NUFIP2: variants seen among roughly 807,000 people sequenced by gnomAD.
The protein encoded by NUFIP2 is nuclear FMR1 interacting protein 2, also known as FMR1-interacting protein NUFIP2.
Under a neutral mutation model 56.9 loss-of-function variants are expected in NUFIP2, and 6 were observed. The observed-to-expected ratio is 0.11, with a 90% CI of 0.06 to 0.21. The LOEUF (loss-of-function observed/expected upper bound fraction) is 0.21. Ranked by LOEUF, NUFIP2 falls within the 10% of genes least tolerant of loss-of-function variation. The probability of loss-of-function intolerance (pLI) is 1.00; values close to 1 mark genes in which losing one functional copy is unlikely to be tolerated. For missense variants in NUFIP2, 828 were observed against 826.8 expected (o/e 1.00, Z -0.02); for synonymous variants, 321 against 298.2 (o/e 1.08, Z -0.79).
chr17:29,271,871 G>T (rs186419256), intron 2 of NUFIP2, among the ~76,000 whole-genome samples: 34 of 151,804 alleles, frequency 2.2e-4, no homozygotes, highest in Middle Eastern at 3.4e-3. Context: ...AGGAGTTCAA[G>T]ACCAGCCTGA....
At position 29,286,659 on chromosome 17, in the gene NUFIP2, G is replaced by A. The variant is rs12452857; in HGVS notation, c.1335C>T (p.Pro445=). The change falls in exon 2 of 4, where the codon CCC becomes CCT. Residue 445 remains proline (P), a synonymous_variant. Coordinates refer to ENST00000225388, the MANE Select transcript of NUFIP2 (RefSeq NM_020772.3). ...LLTTAANTLT[P]ISSGTDSVLQ... ...GAACTGAATCTGTCCCAGAAGAGAT[G>A]GGTGTTAGAGTATTAGCAGCAGTAG... The A allele has an allele frequency of 0.28, 447,192 of 1,613,868 alleles. 66,029 individuals are homozygous for A. The highest frequency in any genetic ancestry group is 0.3 in the Non-Finnish European group (352,866 of 1,179,882).
At chr17:29,287,824 G>A in intron 1 of NUFIP2, 108 bp from the exon 2 acceptor site, 1 of 1,055,222 alleles carries the variant, frequency 9.5e-7, no homozygotes. Flanking sequence ...TATGCTATGA[G>A]CTGTAGCTTT....
At chr17:29,282,058 AG>A (rs1227447279) in intron 2 of NUFIP2, among the ~76,000 whole-genome samples, 1 of 151,226 alleles carries the variant, frequency 6.6e-6, no homozygotes, top group Non-Finnish European at 1.5e-5. Context: ...CACCGCACCC[AG>A]CACAAATCCC....
chr17:29,289,811 G>T (rs2069199678), intron 1 of NUFIP2, among the ~76,000 whole-genome samples: 1 of 151,970 alleles, frequency 6.6e-6, no homozygotes, highest in African/African-American at 2.4e-5. Context: ...ACAAATAAAG[G>T]CATTTTCTTC....
At chr17:29,285,639 C>T (rs897200018) in intron 2 of NUFIP2, among the ~76,000 whole-genome samples, 4 of 151,688 alleles carry the variant, frequency 2.6e-5, no homozygotes, top group African/African-American at 9.7e-5. Flanking sequence ...AAAAAAGCCA[C>T]GGAAGGAGAA....
chr17:29,266,733 G>T (rs2069039379), intron 3 of NUFIP2, among the ~76,000 whole-genome samples: 1 of 151,462 alleles, frequency 6.6e-6, no homozygotes, highest in Non-Finnish European at 1.5e-5. Flanking sequence ...AACATTTATG[G>T]CTTGTCTTAC....
intron 2 of NUFIP2, among the ~76,000 whole-genome samples, chr17:29,277,211 G>A (rs911672861): frequency 1.3e-5 from 2 of 151,908 alleles, no homozygotes; most frequent in African/African-American, 2.4e-5. Context: ...TTTTAGTAGA[G>A]ACCGGGTTTC....
At chr17:29,264,825 C>T (rs2069024969) in intron 3 of NUFIP2, among the ~76,000 whole-genome samples, 1 of 152,118 alleles carries the variant, frequency 6.6e-6, no homozygotes, top group Admixed American at 6.6e-5. Flanking sequence ...CAGTGAGGGC[C>T]TCAACTCCTG....
At chr17:29,281,642 T>C (rs899498592) in intron 2 of NUFIP2, among the ~76,000 whole-genome samples, 13 of 146,682 alleles carry the variant, frequency 8.9e-5, no homozygotes, top group African/African-American at 3.3e-4. Flanking sequence ...TGAGCTACGA[T>C]AGTGCCACTG....
intron 2 of NUFIP2, among the ~76,000 whole-genome samples, chr17:29,279,531 T>TAA (rs1342874637): frequency 6.6e-6 from 1 of 152,200 alleles, no homozygotes; most frequent in Non-Finnish European, 1.5e-5. Flanking sequence ...AATTGCTTAA[T>TAA]ACCAACTGTT....
Position 29,293,808 on chromosome 17 carries a change from G to A in NUFIP2, c.252C>T (p.His84=), listed in dbSNP as rs745890941. The A allele has an allele frequency of 1.3e-6, 2 of 1,589,524 alleles. No individual in the cohort carries two copies. Among genetic ancestry groups the A allele is most frequent in the East Asian group, 4.5e-5 (2 of 44,198 alleles). The change falls in exon 1 of 4, where the codon CAC becomes CAT. Residue 84 remains histidine, a synonymous_variant. Transcript: ENST00000225388. ...KHEQKHTLQQ[H]QETPKKKTGY... Reference sequence around the variant, plus strand: ...CTGTTTTCTTCTTCGGCGTTTCCTGGTGCTGCTGGAGGGTGTGTTTCTGCT... The same window carrying A: ...CTGTTTTCTTCTTCGGCGTTTCCTGATGCTGCTGGAGGGTGTGTTTCTGCT...
Position 29,287,240 on chromosome 17 carries a change from G to C in NUFIP2, c.754C>G (p.Pro252Ala), listed in dbSNP as rs750933789. The change falls in exon 2 of 4, where the codon CCA becomes GCA. Residue 252 changes from proline (P) to alanine (A), a missense_variant. Coordinates refer to ENST00000225388, the MANE Select transcript of NUFIP2 (RefSeq NM_020772.3). ...DKIMQQETSV[P>A]TLKQGLETFK... ...GTTTCAAGTCCCTGTTTTAAGGTTG[G>C]GACACTGGTCTCTTGTTGCATTATT... The C allele has an allele frequency of 1.9e-6, 3 of 1,614,046 alleles. No individual in the cohort carries two copies. The highest frequency in any genetic ancestry group is 4.5e-5 in the East Asian group (2 of 44,874).
intron 3 of NUFIP2, among the ~76,000 whole-genome samples, chr17:29,266,058 T>A (rs2069034287): frequency 6.6e-6 from 1 of 152,078 alleles, no homozygotes; most frequent in Non-Finnish European, 1.5e-5. Flanking sequence ...GCAACCTCCA[T>A]CTCTTGTGTT....
intron 3 of NUFIP2, 37 bp from the exon 4 acceptor site, chr17:29,264,628 A>G: frequency 7.5e-7 from 1 of 1,328,534 alleles, no homozygotes; most frequent in South Asian, 1.2e-5. Context: ...AATAAGGTCT[A>G]GAATCTCAAA....
At position 29,286,109 on chromosome 17, in the gene NUFIP2, A is replaced by C; in HGVS notation, c.1885T>G (p.Ser629Ala). Residue 629 changes from serine to alanine, a missense_variant, in exon 2 of 4, where the codon TCT becomes GCT. By Grantham distance (99) the Ser-to-Ala change is moderately conservative (BLOSUM62 1). Coordinates refer to ENST00000225388, the MANE Select transcript of NUFIP2 (RefSeq NM_020772.3). ...GAGCCTAACAAAGTGTTCGTAGGAG[A>C]GGCCAGAGGATTTTGACTTTCTATC... The part of the protein sequence containing the change: ...YEIESQNPLA[S>A]PTNTLLGSAK... The C allele has an allele frequency of 6.2e-7, 1 of 1,614,054 alleles. No homozygotes were observed. The highest frequency in any genetic ancestry group is 8.5e-7 in the Non-Finnish European group (1 of 1,179,990).
At chr17:29,272,484 C>A (rs1306244040) in intron 2 of NUFIP2, among the ~76,000 whole-genome samples, 2 of 152,146 alleles carry the variant, frequency 1.3e-5, no homozygotes. Context: ...TTGTGATCTG[C>A]CCGCCCTGGC....
rs1567684109 is a variant in NUFIP2, at chr17:29,294,073, G to A, written c.-14C>T. On this transcript the variant is annotated 5_prime_UTR_variant, in exon 1 of 4. Coordinates refer to ENST00000225388, the MANE Select transcript of NUFIP2 (RefSeq NM_020772.3). Reference sequence around the variant, plus strand: ...CTTCTCCTCCATTGAAAGCGGCTGGGACTCCCTGGCTGAGGCTGCGGGCTG... The same window carrying A: ...CTTCTCCTCCATTGAAAGCGGCTGGAACTCCCTGGCTGAGGCTGCGGGCTG... The A allele has an allele frequency of 6.3e-7, 1 of 1,584,524 alleles. No homozygotes were observed. Among genetic ancestry groups the A allele is most frequent in the Admixed American group, 1.7e-5 (1 of 58,626 alleles).
At chr17:29,293,144 G>C (rs1368601453) in intron 1 of NUFIP2, among the ~76,000 whole-genome samples, 1 of 151,720 alleles carries the variant, frequency 6.6e-6, no homozygotes, top group Non-Finnish European at 1.5e-5. Flanking sequence ...CGCCGGCCTC[G>C]GGAGGAGCCG....
intron 2 of NUFIP2, among the ~76,000 whole-genome samples, chr17:29,269,923 T>G (rs568327053): frequency 6.6e-6 from 1 of 152,066 alleles, no homozygotes; most frequent in Non-Finnish European, 1.5e-5. Flanking sequence ...GGTTTCACCG[T>G]GTTAGCCAGG....
Sources: allele counts gnomAD v4.1 joint callset (sites outside exome capture counted in the v4.1 genomes callset), GRCh38; gene constraint gnomAD v4.1.1; transcripts MANE v1.5; gene names NCBI Gene and HGNC (gene_info 2026-07-23, HGNC 2026-07-21).